The following FGD5 variants were observed in gnomAD, a reference collection of about 807,000 sequenced individuals.
The protein encoded by FGD5 is FYVE, RhoGEF and PH domain containing 5.
In FGD5, 28 loss-of-function variants were observed where a neutral mutation model predicts 133.4. The ratio of observed to expected loss-of-function variants is 0.21; its 90% CI spans 0.16 to 0.29. FGD5 has a LOEUF of 0.29. Among genes scored for constraint, FGD5 ranks in the 10% least tolerant of loss-of-function variants. The pLI is 1.00. For synonymous variants in FGD5, 810 were observed against 776.5 expected (o/e 1.04, Z -0.72); for missense variants, 1,858 against 1,895.2 (o/e 0.98, Z 0.36).
At chr3:14,854,693 T>G (rs1401152894) in intron 1 of FGD5, among the ~76,000 whole-genome samples, 1 of 152,210 alleles carries the variant, frequency 6.6e-6, no homozygotes, top group Non-Finnish European at 1.5e-5. Flanking sequence ...GTGCTGGGAT[T>G]ACAAGTGTGA....
At chr3:14,857,621 A>G (rs998400469) in intron 1 of FGD5, among the ~76,000 whole-genome samples, 2 of 152,170 alleles carry the variant, frequency 1.3e-5, no homozygotes, top group South Asian at 2.1e-4. Context: ...GAAGTTGCCT[A>G]TAAGTTGTAA....
At chr3:14,906,367 T>C (rs186778210) in intron 9 of FGD5, among the ~76,000 whole-genome samples, 5 of 152,354 alleles carry the variant, frequency 3.3e-5, no homozygotes, top group Admixed American at 1.3e-4. Flanking sequence ...AGCAAGGTAT[T>C]GGTGCACAGT....
intron 1 of FGD5, among the ~76,000 whole-genome samples, chr3:14,854,242 C>T (rs1015389696): frequency 7.9e-5 from 12 of 152,102 alleles, no homozygotes; most frequent in Non-Finnish European, 1.6e-4. Flanking sequence ...GCCCTTTTCC[C>T]GTTTTCCCAG....
chr3:14,903,465 C>G (rs1559500154), intron 9 of FGD5, among the ~76,000 whole-genome samples: 2 of 151,000 alleles, frequency 1.3e-5, no homozygotes, highest in Non-Finnish European at 3.0e-5. Context: ...AACTCGTCAT[C>G]TAGCATTAGG....
intron 1 of FGD5, among the ~76,000 whole-genome samples, chr3:14,828,091 A>G (rs2036636955): frequency 6.6e-6 from 1 of 152,064 alleles, no homozygotes; most frequent in East Asian, 1.9e-4. Context: ...TTGTTTGTGA[A>G]ATGACTCATT....
At chr3:14,850,154 A>C (rs2037131835) in intron 1 of FGD5, among the ~76,000 whole-genome samples, 2 of 152,116 alleles carry the variant, frequency 1.3e-5, no homozygotes, top group Non-Finnish European at 2.9e-5. Flanking sequence ...TCTGACTCCC[A>C]GAGCGGAGGT....
intron 1 of FGD5, among the ~76,000 whole-genome samples, chr3:14,823,923 A>G (rs1429358232): frequency 6.6e-6 from 1 of 152,220 alleles, no homozygotes; most frequent in Non-Finnish European, 1.5e-5. Context: ...ATCTAAGACA[A>G]CGCTAAAGCT....
upstream of FGD5, chr3:14,810,771 G>A: frequency 1.0e-6 from 1 of 978,712 alleles, no homozygotes; most frequent in Non-Finnish European, 1.2e-6. Context: ...GGCGGCCGCG[G>A]AGGGAGGCGG....
intron 4 of FGD5, among the ~76,000 whole-genome samples, chr3:14,887,814 A>G (rs73814857): frequency 0.02 from 3,052 of 152,166 alleles, 101 homozygotes; most frequent in African/African-American, 0.069. Flanking sequence ...GGTGCAGTGA[A>G]GAAGGCTGTG....
At chr3:14,877,300 G>T (rs1039946355) in intron 2 of FGD5, among the ~76,000 whole-genome samples, 1 of 152,236 alleles carries the variant, frequency 6.6e-6, no homozygotes, top group Non-Finnish European at 1.5e-5. Flanking sequence ...TCATCGCAGA[G>T]TCACTGAAGC....
chr3:14,922,453 A>T lies in FGD5; in HGVS notation c.3712A>T (p.Thr1238Ser). The T allele has an allele frequency of 6.4e-7, 1 of 1,571,216 alleles. No homozygotes were observed. The highest frequency in any genetic ancestry group is 8.6e-7 in the Non-Finnish European group (1 of 1,158,526). ...LGVSLGERPPTLVPVTHVMMC... is the reference protein window; with the variant it reads ...LGVSLGERPPSLVPVTHVMMC... ...GGTTAGCCTTGGGGAGAGGCCCCCC[A>T]CCCTGGTGCCTGTCACACACGTCAT... Residue 1238 changes from threonine to serine, a missense_variant, in exon 15 of 20, where the codon ACC (threonine) becomes TCC (serine). By Grantham distance (58) the Thr-to-Ser change is moderately conservative. Around this residue, in one of 3 missense-constraint regions of FGD5, gnomAD observed 1,824 missense variants for 1,848.9 expected, o/e 0.99. Transcript: ENST00000285046. This position sits in a 1 kb window ranked among gnomAD's most constrained non-coding sequence, Gnocchi z 4.1.
intron 13 of FGD5, among the ~76,000 whole-genome samples, chr3:14,921,624 A>G (rs540997864): frequency 6.6e-6 from 1 of 152,286 alleles, no homozygotes; most frequent in South Asian, 2.1e-4. Context: ...CTTTTGCACA[A>G]TGTTGACAAT....
Position 14,933,264 on chromosome 3 carries a change from T to C in FGD5, c.*97T>C. The C allele has an allele frequency of 7.1e-7, 1 of 1,417,540 alleles. No homozygotes were observed. The highest frequency in any genetic ancestry group is 9.8e-7 in the Non-Finnish European group (1 of 1,020,960). 87.8% of individuals were successfully genotyped at this position (1,417,540 alleles called of 1,614,324 possible). A position where few individuals can be genotyped will look rare whatever the true frequency, so the allele number is the denominator to read the frequency against. Reference sequence around the variant, plus strand: ...GGCTCAACTCATCCGGACACACACCTGGATTCAGCAATGAGGCCTGACCTT... The same window carrying C: ...GGCTCAACTCATCCGGACACACACCCGGATTCAGCAATGAGGCCTGACCTT... On this transcript the variant is annotated 3_prime_UTR_variant, in exon 20 of 20. Coordinates refer to ENST00000285046, the MANE Select transcript of FGD5 (RefSeq NM_152536.4).
At chr3:14,897,869 C>T in intron 5 of FGD5, 70 bp from the exon 6 acceptor site, 1 of 1,586,510 alleles carries the variant, frequency 6.3e-7, no homozygotes, top group Non-Finnish European at 8.6e-7. Flanking sequence ...GACTCCAGGC[C>T]CCCTGCTTCT....
chr3:14,928,434 G>C (rs865831040), intron 18 of FGD5, among the ~76,000 whole-genome samples: 1 of 152,066 alleles, frequency 6.6e-6, no homozygotes, highest in African/African-American at 2.4e-5. Flanking sequence ...CAAACATAAA[G>C]GAATGTTGAA....
intron 10 of FGD5, among the ~76,000 whole-genome samples, chr3:14,908,453 AC>A (rs1360896071): frequency 6.6e-6 from 1 of 152,296 alleles, no homozygotes; most frequent in East Asian, 1.9e-4. Flanking sequence ...CATGGCTTGG[AC>A]CACCCAGAAT....
At position 14,820,522 on chromosome 3, in the gene FGD5, C is replaced by G; in HGVS notation, c.1451C>G (p.Pro484Arg). ...AAGAACACCAGCACGAGGGTCCGGCCCCACTCTGGGAAGGTGGCCGGCTAT... is the reference window on the plus strand; with the variant it reads ...AAGAACACCAGCACGAGGGTCCGGCGCCACTCTGGGAAGGTGGCCGGCTAT... ...DRKNTSTRVR[P>R]HSGKVAGYVP... Residue 484 changes from proline to arginine, a missense_variant, in exon 1 of 20, where the codon CCC (proline) becomes CGC (arginine). By Grantham distance (103) the Pro-to-Arg change is moderately radical. Around this residue, in one of 3 missense-constraint regions of FGD5, gnomAD observed 1,824 missense variants for 1,848.9 expected, o/e 0.99. Coordinates refer to ENST00000285046, the MANE Select transcript of FGD5 (RefSeq NM_152536.4). The G allele has an allele frequency of 6.2e-7, 1 of 1,613,870 alleles. No homozygotes were observed. The highest frequency in any genetic ancestry group is 1.1e-5 in the South Asian group (1 of 91,080).
At chr3:14,877,702 G>A (rs1338552604) in intron 2 of FGD5, among the ~76,000 whole-genome samples, 1 of 152,080 alleles carries the variant, frequency 6.6e-6, no homozygotes, top group Non-Finnish European at 1.5e-5. Context: ...AGTGCAGAGG[G>A]GCAAGCCCAG....
intron 9 of FGD5, among the ~76,000 whole-genome samples, chr3:14,907,295 AG>A (rs2038358427): frequency 6.6e-6 from 1 of 152,182 alleles, no homozygotes; most frequent in Non-Finnish European, 1.5e-5. Flanking sequence ...ACAAGCCAGG[AG>A]GGCCTGAGGC....
Sources: gnomAD v4.1 joint callset for allele counts (sites outside exome capture counted in the v4.1 genomes callset) on GRCh38, gnomAD v4.1.1 for gene constraint, gnomAD v4.1.1 regional missense constraint, Gnocchi (gnomAD v3.1) non-coding constraint, MANE v1.5 for transcripts, NCBI Gene and HGNC (gene_info 2026-07-23, HGNC 2026-07-21) for gene names.